VSIG10L: variants seen among roughly 807,000 people sequenced by gnomAD.
VSIG10L encodes the protein V-set and immunoglobulin domain-containing protein 10-like.
A neutral mutation model predicts 67.3 loss-of-function variants in VSIG10L; 63 were observed. The observed-to-expected ratio is 0.94, with a 90% CI of 0.76 to 1.15. The LOEUF (loss-of-function observed/expected upper bound fraction) is 1.15, where lower values mean the gene tolerates loss of function less well. Among genes scored for constraint, VSIG10L ranks in the 50% most tolerant of loss-of-function variants. VSIG10L has a pLI of 0.00. For synonymous variants in VSIG10L, 499 were observed against 524.9 expected (o/e 0.95, Z 0.67); for missense variants, 1,050 against 1,177.5 (o/e 0.89, Z 1.58).
At chr19:51,339,693 G>A in intron 4 of VSIG10L, 1 of 266,172 alleles carries the variant, frequency 3.8e-6, no homozygotes, top group South Asian at 1.5e-4. Context: ...ACTTTGTCGA[G>A]TGTTCCATGC....
intron 2 of VSIG10L, 25 bp downstream of exon 2, chr19:51,341,128 A>C: frequency 6.8e-7 from 1 of 1,480,468 alleles, no homozygotes. Flanking sequence ...TGCCGCCTGC[A>C]CGCCGGACGC....
rs542094085 is a variant in VSIG10L, at chr19:51,331,786, C to T, written c.*825G>A. ...ATGTGGTCTCTGCTTTTGTAAAGCC[C>T]TTAGTTTAGAGAGAGAGTCTCAGGC... On this transcript the variant is annotated 3_prime_UTR_variant, in exon 10 of 10. Coordinates refer to ENST00000335624, the MANE Select transcript of VSIG10L (RefSeq NM_001163922.3). 2.6e-5 allele frequency: 4 copies of T among 152,260 alleles called. No individual in the cohort carries two copies. Among genetic ancestry groups the T allele is most frequent in the African/African-American group, 9.6e-5 (4 of 41,532 alleles). 9.4% of individuals were successfully genotyped at this position (152,260 alleles called of 1,614,324 possible).
chr19:51,340,828 T>A lies in VSIG10L; in HGVS notation c.896-102A>T. 1 of 1,315,742 alleles carries A rather than the reference T, an allele frequency of 7.6e-7. No individual in the cohort carries two copies. Among genetic ancestry groups the A allele is most frequent in the Non-Finnish European group, 9.9e-7 (1 of 1,006,214 alleles). 81.5% of individuals were successfully genotyped at this position (1,315,742 alleles called of 1,614,324 possible). On this transcript the variant is annotated intron_variant, in intron 2 of 9. Coordinates refer to ENST00000335624, the MANE Select transcript of VSIG10L (RefSeq NM_001163922.3). This position sits in a 1 kb window ranked among gnomAD's most constrained non-coding sequence, Gnocchi z 6.3. The stretch of plus-strand genomic sequence containing the variant: ...CGCTGCTCCCTCTAAGCCCCTGGAG[T>A]CTCAGCCCCCATCCCTCTCCTCTCA...
rs926044900 is a variant in VSIG10L, at chr19:51,340,675, C to G, written c.947G>C (p.Gly316Ala). The stretch of plus-strand genomic sequence containing the variant: ...GCAGCGCAGCCGGAGCTCGGCCGCC[C>G]CCTCCTCTGTCTCTGGAGCCTTGGG... ...VQPKAPETEE[G>A]AAELRLRCLG... is the part of the protein sequence containing the mutation. Residue 316 changes from glycine to alanine, a missense_variant, in exon 3 of 10, where the codon GGG becomes GCG. Gly to Ala is a moderately conservative substitution (Grantham distance 60). Around this residue, in one of 3 missense-constraint regions of VSIG10L, gnomAD observed 511 missense variants for 557.9 expected, o/e 0.92. Transcript: ENST00000335624. The surrounding 1 kb of genome is among the most constrained non-coding windows in gnomAD (Gnocchi z 6.3). The G allele has an allele frequency of 6.5e-7, 1 of 1,528,288 alleles. No homozygotes were observed. Among genetic ancestry groups the G allele is most frequent in the Non-Finnish European group, 8.8e-7 (1 of 1,142,842 alleles). 94.7% of individuals were successfully genotyped at this position (1,528,288 alleles called of 1,614,324 possible). A position where few individuals can be genotyped will look rare whatever the true frequency, so the allele number is the denominator to read the frequency against.
chr19:51,332,771 G>A lies in VSIG10L; in HGVS notation c.2575-131C>T, dbSNP rs1008390100. The A allele has an allele frequency of 8.0e-6, 7 of 879,578 alleles. No individual in the cohort carries two copies. In the African/African-American group the frequency reaches 1.0e-4, roughly 13 times the overall value. 54.5% of individuals were successfully genotyped at this position (879,578 alleles called of 1,614,324 possible). A position where few individuals can be genotyped will look rare whatever the true frequency, so the allele number is the denominator to read the frequency against. On this transcript the variant is annotated intron_variant, in intron 9 of 9. Transcript: ENST00000335624. ...TATCTGGGAACCCTCCATTTGGAGA[G>A]GGGAAAAAAAATGCCTGGCTATCCT...
intron 7 of VSIG10L, among the ~76,000 whole-genome samples, chr19:51,336,859 C>T (rs1362922441): frequency 2.0e-5 from 3 of 151,088 alleles, no homozygotes; most frequent in Non-Finnish European, 4.4e-5. Context: ...CTCCGCCTCC[C>T]GGGTTCGCGC....
chr19:51,340,324 G>A lies in VSIG10L; in HGVS notation c.1190-25C>T. On this transcript the variant is annotated intron_variant, in intron 3 of 9. Transcript: ENST00000335624. This position sits in a 1 kb window ranked among gnomAD's most constrained non-coding sequence, Gnocchi z 6.3. Reference sequence around the variant, plus strand: ...TCTGGAGGGAGGAGGGGTCGGGACCGCGAGTGTCAGGGTCACCTGGGACGC... The same window carrying A: ...TCTGGAGGGAGGAGGGGTCGGGACCACGAGTGTCAGGGTCACCTGGGACGC... 6.7e-7 allele frequency: 1 copy of A among 1,489,760 alleles called. No individual in the cohort carries two copies. The highest frequency in any genetic ancestry group is 1.3e-5 in the South Asian group (1 of 79,272). 92.3% of individuals were successfully genotyped at this position (1,489,760 alleles called of 1,614,324 possible). A position where few individuals can be genotyped will look rare whatever the true frequency, so the allele number is the denominator to read the frequency against.
rs1468575428 is a variant in VSIG10L, at chr19:51,337,963, G to A, written c.1975C>T (p.Leu659=). Residue 659 remains leucine (L), a synonymous_variant, in exon 6 of 10, where the codon CTG becomes TTG. Transcript: ENST00000335624. ...GNYSVLCSGA[L]GAGGDQITLI... Reference sequence around the variant, plus strand: ...GTGATCTGGTCACCGCCAGCACCCAGCGCCCCACTGCACAGCACGGAGTAA... The same window carrying A: ...GTGATCTGGTCACCGCCAGCACCCAACGCCCCACTGCACAGCACGGAGTAA... 6.4e-7 allele frequency: 1 copy of A among 1,551,144 alleles called. No individual in the cohort carries two copies. Among genetic ancestry groups the A allele is most frequent in the Non-Finnish European group, 8.7e-7 (1 of 1,146,772 alleles).
chr19:51,341,366 G>A lies in VSIG10L; in HGVS notation c.682C>T (p.Arg228Trp), dbSNP rs530860795. ...CCAGCTGCCAGCACCTTTGAGCCCC[G>A]GCGCCAGACCACCAGAGAGGTGGGG... ...GPPTSLVVWRRGSKVLAAGGL... is the reference protein window; with the variant it reads ...GPPTSLVVWRWGSKVLAAGGL... Residue 228 changes from arginine (R) to tryptophan (W), a missense_variant, in exon 2 of 10, where the codon CGG becomes TGG. Physicochemically the swap from Arg to Trp is moderately radical, Grantham distance 101. Transcript: ENST00000335624. 69 of 1,539,244 alleles carry A rather than the reference G, an allele frequency of 4.5e-5. 2 individuals carry two copies. The highest frequency in any genetic ancestry group is 4.2e-4 in the Admixed American group (21 of 50,144).
Position 51,335,852 on chromosome 19 carries a change from C to G in VSIG10L, c.2305+1386G>C, listed in dbSNP as rs150492597. 1.0e-3 allele frequency among the ~76,000 whole-genome samples: 153 copies of G among 152,088 alleles called. 1 individual carries two copies. Among genetic ancestry groups the G allele is most frequent in the African/African-American group, 3.5e-3 (147 of 41,482 alleles). On this transcript the variant is annotated intron_variant, in intron 7 of 9. Transcript: ENST00000335624. ...ACTTGAACCCAGGAGGTGGAGGTTC[C>G]AGTTAGCTGAGATCATGCCACTGCA...
In VSIG10L at chr19:51,337,431, T is replaced by C. The variant is rs1197690972; in HGVS notation, c.2112A>G (p.Ala704=). The C allele has an allele frequency of 1.9e-6, 3 of 1,551,630 alleles. No individual in the cohort carries two copies. The highest frequency in any genetic ancestry group is 1.4e-5 in the African/African-American group (1 of 73,032). The change falls in exon 7 of 10, where the codon GCA becomes GCG. Residue 704 remains alanine, a synonymous_variant. Transcript: ENST00000335624. ...TGCCCAGAGCAGGCCCATCTGGCCA[T>C]GCCTGGATCTCAAAACTGCTGATCA... ...GALISSFEIQ[A]WPDGPALGRT... is the part of the protein sequence containing the mutation.
At chr19:51,332,816 A>G (rs1477997052) in intron 9 of VSIG10L, among the ~76,000 whole-genome samples, 176 bp from the exon 10 acceptor site, 2 of 152,292 alleles carry the variant, frequency 1.3e-5, no homozygotes, top group East Asian at 3.9e-4. Context: ...GAAGCCAGCC[A>G]ACAACCCAAC....
rs955943664 is a variant in VSIG10L, at chr19:51,342,131, G to C, written c.-7C>G. On this transcript the variant is annotated 5_prime_UTR_variant, in exon 1 of 10. Coordinates refer to ENST00000335624, the MANE Select transcript of VSIG10L (RefSeq NM_001163922.3). This position sits in a 1 kb window ranked among gnomAD's most constrained non-coding sequence, Gnocchi z 4.4. ...GAGCCTGTGGGTTGTCCATGGTGCT[G>C]GCCTCACTGAAAGGACACTGGAGAG... 6.4e-7 allele frequency: 1 copy of C among 1,551,564 alleles called. No individual in the cohort carries two copies. Among genetic ancestry groups the C allele is most frequent in the Non-Finnish European group, 8.7e-7 (1 of 1,146,974 alleles).
chr19:51,339,851 G>A (rs1985578183), intron 4 of VSIG10L, 164 bp downstream of exon 4: 1 of 852,130 alleles, frequency 1.2e-6, no homozygotes, highest in Non-Finnish European at 1.5e-6. Flanking sequence ...GCCCCACCAC[G>A]GGTATCCCAG....
At chr19:51,335,913 AC>A (rs757585546) in intron 7 of VSIG10L, among the ~76,000 whole-genome samples, 5 of 151,958 alleles carry the variant, frequency 3.3e-5, no homozygotes, top group African/African-American at 9.7e-5. Flanking sequence ...CTCTGTCCAC[AC>A]CCCCCACCTC....
intron 7 of VSIG10L, among the ~76,000 whole-genome samples, chr19:51,335,992 C>T (rs1985470174): frequency 6.6e-6 from 1 of 152,108 alleles, no homozygotes; most frequent in African/African-American, 2.4e-5. Context: ...CAGGATAAGA[C>T]ATTTGGGAGT....
At position 51,340,782 on chromosome 19, in the gene VSIG10L, C is replaced by T; in HGVS notation, c.896-56G>A. On this transcript the variant is annotated intron_variant, in intron 2 of 9. Coordinates refer to ENST00000335624, the MANE Select transcript of VSIG10L (RefSeq NM_001163922.3). The surrounding 1 kb of genome is among the most constrained non-coding windows in gnomAD (Gnocchi z 6.3). Reference sequence around the variant, plus strand: ...CCCAGTCCTGGAGCCCATCTTTGGTCCCCTTAGAGGGAACCCCAGCCGCTG... The same window carrying T: ...CCCAGTCCTGGAGCCCATCTTTGGTTCCCTTAGAGGGAACCCCAGCCGCTG... The T allele has an allele frequency of 4.9e-6, 7 of 1,429,432 alleles. No homozygotes were observed. The highest frequency in any genetic ancestry group is 6.4e-6 in the Non-Finnish European group (7 of 1,094,612). The allele number at this position is 1,429,432 out of a possible 1,614,324, so 88.5% of individuals were successfully genotyped here.
Position 51,341,371 on chromosome 19 carries a change from C to T in VSIG10L, c.677G>A (p.Trp226Ter). 1 of 1,538,906 alleles carries T rather than the reference C, an allele frequency of 6.5e-7. No homozygotes were observed. The highest frequency in any genetic ancestry group is 8.7e-7 in the Non-Finnish European group (1 of 1,144,252). The part of the protein sequence containing the change: ...NPGPPTSLVV[W>*]RRGSKVLAAG... ...TGCCAGCACCTTTGAGCCCCGGCGC[C>T]AGACCACCAGAGAGGTGGGGGGCCC... is the stretch of plus-strand genomic sequence containing the variant. The change falls in exon 2 of 10, where the codon TGG (tryptophan) becomes TAG (stop). Residue 226 changes from tryptophan (W) to a stop codon, truncating the protein, a stop_gained. Coordinates refer to ENST00000335624, the MANE Select transcript of VSIG10L (RefSeq NM_001163922.3). LOFTEE classifies it high-confidence loss of function.
chr19:51,336,568 GAGAAGGAGAAGA>G (rs1985484552), intron 7 of VSIG10L, among the ~76,000 whole-genome samples: 1 of 151,874 alleles, frequency 6.6e-6, no homozygotes. Context: ...AAAGAAGAAG[GAGAAGGAGAAGA>G]AGAAGAAGAA....
Sources: gnomAD v4.1 joint callset for allele counts (sites outside exome capture counted in the v4.1 genomes callset) on GRCh38, gnomAD v4.1.1 for gene constraint, gnomAD v4.1.1 regional missense constraint, Gnocchi (gnomAD v3.1) non-coding constraint, MANE v1.5 for transcripts, NCBI Gene and HGNC (gene_info 2026-07-23, HGNC 2026-07-21) for gene names.